The following CAMKMT variants were observed in gnomAD, a reference collection of about 807,000 sequenced individuals.
The protein encoded by CAMKMT is calmodulin-lysine N-methyltransferase, also known as CaM KMT.
A neutral mutation model predicts 48.0 loss-of-function variants in CAMKMT; 53 were observed. That is an observed-to-expected ratio of 1.10 (90% CI 0.89 to 1.39). CAMKMT has a LOEUF of 1.39. CAMKMT is among the 40% of genes most tolerant of loss of function. The probability of loss-of-function intolerance (pLI) is 0.00; values close to 1 mark genes in which losing one functional copy is unlikely to be tolerated. For synonymous variants in CAMKMT, 165 were observed against 152.3 expected (o/e 1.08, Z -0.61); for missense variants, 428 against 402.7 (o/e 1.06, Z -0.54).
intron 3 of CAMKMT, among the ~76,000 whole-genome samples, chr2:44,692,963 C>A (rs1030627629): frequency 4.6e-5 from 7 of 152,162 alleles, no homozygotes; most frequent in African/African-American, 1.7e-4. Flanking sequence ...TGTACATCAT[C>A]CGCCCACTTA....
At chr2:44,730,448 T>C (rs1679021714) in intron 7 of CAMKMT, among the ~76,000 whole-genome samples, 1 of 152,246 alleles carries the variant, frequency 6.6e-6, no homozygotes, top group Non-Finnish European at 1.5e-5. Context: ...TTGACGATTA[T>C]GATTTTGCTA....
intron 3 of CAMKMT, among the ~76,000 whole-genome samples, chr2:44,405,915 A>G (rs1403126214): frequency 1.3e-5 from 2 of 152,198 alleles, no homozygotes; most frequent in African/African-American, 4.8e-5. Context: ...TTTATATATT[A>G]ATTCAGTATT....
At chr2:44,690,438 T>G (rs2104216992) in intron 3 of CAMKMT, among the ~76,000 whole-genome samples, 1 of 152,300 alleles carries the variant, frequency 6.6e-6, no homozygotes, top group South Asian at 2.1e-4. Flanking sequence ...CCATCAGGGT[T>G]GGGGCACAGA....
At chr2:44,534,046 G>A (rs1273214587) in intron 3 of CAMKMT, among the ~76,000 whole-genome samples, 1 of 152,068 alleles carries the variant, frequency 6.6e-6, no homozygotes, top group East Asian at 1.9e-4. Context: ...TATATTCCAT[G>A]CAAACAGAAA....
intron 7 of CAMKMT, among the ~76,000 whole-genome samples, chr2:44,724,035 T>C (rs1678636996): frequency 6.6e-6 from 1 of 152,206 alleles, no homozygotes; most frequent in Non-Finnish European, 1.5e-5. Flanking sequence ...ATCAAGTCTG[T>C]CCTTAGGGGA....
At position 44,715,373 on chromosome 2, in the gene CAMKMT, TA is replaced by T; in HGVS notation, c.623+26del. On this transcript the variant is annotated intron_variant, in intron 7 of 10. Transcript: ENST00000378494. The stretch of plus-strand genomic sequence containing the variant: ...AAGCTGGTAAGATACCTTTCTGCAT[TA>T]AAAAATTCCCATTGAAATTGCTTTT... 1 of 1,584,772 alleles carries T rather than the reference TA, an allele frequency of 6.3e-7. No homozygotes were observed. The highest frequency in any genetic ancestry group is 8.6e-7 in the Non-Finnish European group (1 of 1,158,602).
intron 3 of CAMKMT, among the ~76,000 whole-genome samples, chr2:44,573,816 A>AT (rs1669053278): frequency 6.6e-6 from 1 of 152,114 alleles, no homozygotes; most frequent in African/African-American, 2.4e-5. Context: ...GTATTAGTTT[A>AT]TTTTTTCTTC....
chr2:44,593,756 C>T (rs1019605237), intron 3 of CAMKMT, among the ~76,000 whole-genome samples: 1 of 123,720 alleles, frequency 8.1e-6, no homozygotes, highest in Non-Finnish European at 1.7e-5. Context: ...TTGAAAAAGA[C>T]AACTTCCTTT....
chr2:44,692,340 T>C (rs1047913121), intron 3 of CAMKMT, among the ~76,000 whole-genome samples: 5 of 152,132 alleles, frequency 3.3e-5, no homozygotes, highest in African/African-American at 1.2e-4. Context: ...CAGCACCCCA[T>C]GAGAAGGTAC....
chr2:44,641,640 C>T (rs1238300548), intron 3 of CAMKMT, among the ~76,000 whole-genome samples: 1 of 152,096 alleles, frequency 6.6e-6, no homozygotes, highest in Non-Finnish European at 1.5e-5. Context: ...TCACTGTAAC[C>T]TCCATCTCTT....
intron 3 of CAMKMT, among the ~76,000 whole-genome samples, chr2:44,614,870 C>G (rs1671784017): frequency 6.6e-6 from 1 of 151,318 alleles, no homozygotes; most frequent in Non-Finnish European, 1.5e-5. Flanking sequence ...CTACTACTGT[C>G]CCGTGCACCA....
intron 7 of CAMKMT, among the ~76,000 whole-genome samples, chr2:44,722,052 G>A (rs542542204): frequency 1.3e-5 from 2 of 151,968 alleles, no homozygotes; most frequent in Non-Finnish European, 2.9e-5. Context: ...TGTTTTTAAG[G>A]TTATTCATGT....
At chr2:44,725,776 AG>A (rs1678748073) in intron 7 of CAMKMT, among the ~76,000 whole-genome samples, 1 of 152,142 alleles carries the variant, frequency 6.6e-6, no homozygotes, top group Non-Finnish European at 1.5e-5. Context: ...CTGGGGTGAA[AG>A]GGGAGATGAA....
At chr2:44,366,906 G>T (rs527391620) in intron 1 of CAMKMT, among the ~76,000 whole-genome samples, 75 of 151,940 alleles carry the variant, frequency 4.9e-4, no homozygotes, top group Middle Eastern at 3.4e-3. Flanking sequence ...ATTTTTTTTG[G>T]CAGGGATGGG....
intron 3 of CAMKMT, among the ~76,000 whole-genome samples, chr2:44,616,229 A>G (rs905415523): frequency 1.3e-5 from 2 of 152,118 alleles, no homozygotes; most frequent in Admixed American, 1.3e-4. Flanking sequence ...CAATCTCCAT[A>G]TTCAGCTGAG....
chr2:44,452,574 A>G (rs1254411468), intron 3 of CAMKMT, among the ~76,000 whole-genome samples: 2 of 152,048 alleles, frequency 1.3e-5, no homozygotes, highest in African/African-American at 4.8e-5. Flanking sequence ...CTTTCATGGC[A>G]CACTTGGCTT....
intron 3 of CAMKMT, among the ~76,000 whole-genome samples, chr2:44,585,748 A>T (rs1326247505): frequency 6.6e-6 from 1 of 152,232 alleles, no homozygotes; most frequent in African/African-American, 2.4e-5. Context: ...TTTACCAAAG[A>T]TAGATGGAAG....
rs371123731 is a variant in CAMKMT at position 44,386,575 on chromosome 2, T to C, written c.312-3666T>C. 3.7e-3 allele frequency among the ~76,000 whole-genome samples: 562 copies of C among 152,234 alleles called. 2 individuals are homozygous for C. The highest frequency in any genetic ancestry group is 0.013 in the African/African-American group (540 of 41,552). On this transcript the variant is annotated intron_variant, in intron 2 of 10. Coordinates refer to ENST00000378494, the MANE Select transcript of CAMKMT (RefSeq NM_024766.5). ...TGCTGTGTTTAGGTTTGGTTTGTTC[T>C]TGTTTCTCTAGTTCCTTGAGGTGTG...
At chr2:44,428,664 G>C (rs1339652870) in intron 3 of CAMKMT, among the ~76,000 whole-genome samples, 1 of 152,162 alleles carries the variant, frequency 6.6e-6, no homozygotes, top group Non-Finnish European at 1.5e-5. Flanking sequence ...TTGTATGTTT[G>C]TGTATATGTA....
Sources: allele counts gnomAD v4.1 joint callset (sites outside exome capture counted in the v4.1 genomes callset), GRCh38; gene constraint gnomAD v4.1.1; transcripts MANE v1.5; gene names NCBI Gene and HGNC (gene_info 2026-07-23, HGNC 2026-07-21).